Variants in TRAPPC12 observed in about 807,000 individuals in gnomAD.
The protein encoded by TRAPPC12 is TPR repeat protein 15.
TRAPPC12 carries 61 observed loss-of-function variants against 69.2 expected under a neutral mutation model. The observed-to-expected ratio is 0.88, with a 90% CI of 0.72 to 1.09. TRAPPC12 has a LOEUF of 1.09. Among genes scored for constraint, TRAPPC12 ranks in the 50% least tolerant of loss-of-function variants. The pLI is 0.00. For missense variants in TRAPPC12, 1,101 were observed against 1,016.4 expected (o/e 1.08, Z -1.13); for synonymous variants, 469 against 438.9 (o/e 1.07, Z -0.86).
At chr2:3,410,049 C>T (rs1661971579) in intron 3 of TRAPPC12, among the ~76,000 whole-genome samples, 1 of 152,214 alleles carries the variant, frequency 6.6e-6, no homozygotes. Flanking sequence ...CTCTCTGCCA[C>T]GTGCTCTTTT....
intron 6 of TRAPPC12, among the ~76,000 whole-genome samples, chr2:3,453,676 A>G (rs1664974785): frequency 6.6e-6 from 1 of 152,200 alleles, no homozygotes. Context: ...GGTCTCTGAT[A>G]TAGACCCTGG....
At chr2:3,460,626 T>G (rs1465119178) in intron 8 of TRAPPC12, 2 of 377,184 alleles carry the variant, frequency 5.3e-6, no homozygotes, top group Non-Finnish European at 9.5e-6. Flanking sequence ...CCCATTTTTC[T>G]CTGAACTCCA....
At chr2:3,424,396 T>G (rs971744978) in intron 4 of TRAPPC12, 129 bp from the exon 5 acceptor site, 2 of 785,424 alleles carry the variant, frequency 2.5e-6, no homozygotes, top group Non-Finnish European at 4.0e-6. Context: ...TATGCAAAGA[T>G]AGAAAGTTAG....
chr2:3,420,404 G>A (rs962516417), intron 3 of TRAPPC12, among the ~76,000 whole-genome samples: 1 of 152,176 alleles, frequency 6.6e-6, no homozygotes, highest in Admixed American at 6.5e-5. Context: ...AACAGTTTGG[G>A]AATTTTTAAC....
intron 5 of TRAPPC12, among the ~76,000 whole-genome samples, chr2:3,428,351 C>T (rs1282276221): frequency 6.6e-5 from 10 of 152,106 alleles, no homozygotes; most frequent in Admixed American, 6.5e-4. Flanking sequence ...ATTTTTCTTC[C>T]CATTTTGTGG....
At chr2:3,473,334 C>T (rs1206007782) in intron 9 of TRAPPC12, among the ~76,000 whole-genome samples, 1 of 152,164 alleles carries the variant, frequency 6.6e-6, no homozygotes, top group African/African-American at 2.4e-5. Flanking sequence ...TTCTTTTATT[C>T]GTTTATGTAC....
chr2:3,391,035 A>G (rs536090872), intron 2 of TRAPPC12, among the ~76,000 whole-genome samples: 83 of 152,378 alleles, frequency 5.4e-4, no homozygotes, highest in African/African-American at 2.0e-3. Flanking sequence ...AGGACAGAAG[A>G]TAGCATGTAG....
intron 10 of TRAPPC12, 23 bp from the exon 11 acceptor site, chr2:3,478,823 T>G (rs377570294): frequency 1.2e-5 from 19 of 1,611,766 alleles, no homozygotes; most frequent in Non-Finnish European, 1.6e-5. Context: ...CCCCGCTAAC[T>G]GCCACCGTTG....
intron 9 of TRAPPC12, among the ~76,000 whole-genome samples, chr2:3,473,663 G>T (rs1666166467): frequency 6.6e-6 from 1 of 152,100 alleles, no homozygotes; most frequent in Admixed American, 6.5e-5. Flanking sequence ...TAGAGAGGGG[G>T]TCTTGCCATG....
intron 3 of TRAPPC12, among the ~76,000 whole-genome samples, chr2:3,402,925 A>G (rs1486763091): frequency 6.6e-6 from 1 of 152,188 alleles, no homozygotes; most frequent in African/African-American, 2.4e-5. Flanking sequence ...CCATGCCTGC[A>G]TGCAGTCAAG....
intron 6 of TRAPPC12, chr2:3,456,330 C>T (rs575497877): frequency 3.9e-5 from 6 of 152,178 alleles, no homozygotes; most frequent in African/African-American, 1.4e-4. Flanking sequence ...TGGGGTGGGC[C>T]GTGTGGGGAG....
chr2:3,478,782 T>G, intron 10 of TRAPPC12, 64 bp from the exon 11 acceptor site: 1 of 1,433,250 alleles, frequency 7.0e-7, no homozygotes, highest in Non-Finnish European at 9.8e-7. Context: ...CCCCTGTGGG[T>G]TGTGTTGGGG....
chr2:3,414,551 C>G lies in TRAPPC12; in HGVS notation c.1165-7330C>G, dbSNP rs1441953091. 6.6e-6 allele frequency among the ~76,000 whole-genome samples: 1 copy of G among 151,982 alleles called. No homozygotes were observed. Among genetic ancestry groups the G allele is most frequent in the Non-Finnish European group, 1.5e-5 (1 of 67,988 alleles). Reference sequence around the variant, plus strand: ...CCACCATCCCCCTGACCCCATCCCCCAGCTGTCCCCGCTGTGCAGTGCCTT... The same window carrying G: ...CCACCATCCCCCTGACCCCATCCCCGAGCTGTCCCCGCTGTGCAGTGCCTT... On this transcript the variant is annotated intron_variant, in intron 3 of 11. Coordinates refer to ENST00000324266, the MANE Select transcript of TRAPPC12 (RefSeq NM_016030.6). This position sits in a 1 kb window ranked among gnomAD's most constrained non-coding sequence, Gnocchi z 4.9.
intron 10 of TRAPPC12, among the ~76,000 whole-genome samples, chr2:3,478,526 T>C (rs1182336952): frequency 2.0e-5 from 3 of 152,188 alleles, no homozygotes; most frequent in Admixed American, 6.5e-5. Context: ...CCCAGCTACT[T>C]GGGAGGCTGA....
chr2:3,390,942 A>G (rs1193879499), intron 2 of TRAPPC12, among the ~76,000 whole-genome samples: 1 of 152,196 alleles, frequency 6.6e-6, no homozygotes, highest in African/African-American at 2.4e-5. Flanking sequence ...TAATAATATA[A>G]ATAAATTGTA....
chr2:3,430,625 A>G (rs1388936680), intron 5 of TRAPPC12, among the ~76,000 whole-genome samples: 1 of 152,256 alleles, frequency 6.6e-6, no homozygotes, highest in African/African-American at 2.4e-5. Context: ...CATTCTGGGA[A>G]ATACTATTTT....
At chr2:3,405,962 C>A (rs1194822008) in intron 3 of TRAPPC12, among the ~76,000 whole-genome samples, 1 of 152,188 alleles carries the variant, frequency 6.6e-6, no homozygotes, top group Non-Finnish European at 1.5e-5. Context: ...ATCTTGAATA[C>A]CAGTTCCCAC....
At position 3,479,524 on chromosome 2, in the gene TRAPPC12, T is replaced by A; in HGVS notation, c.*63T>A. 6.3e-7 allele frequency: 1 copy of A among 1,577,520 alleles called. No individual in the cohort carries two copies. ...TTGAAACTGTGTCTTGAAGCTAATG[T>A]ATTAATGTGACATGGAGGAACTCAA... is the stretch of plus-strand genomic sequence containing the variant. On this transcript the variant is annotated 3_prime_UTR_variant, in exon 12 of 12. Coordinates refer to ENST00000324266, the MANE Select transcript of TRAPPC12 (RefSeq NM_016030.6).
At chr2:3,403,822 A>G (rs545722633) in intron 3 of TRAPPC12, among the ~76,000 whole-genome samples, 1 of 152,246 alleles carries the variant, frequency 6.6e-6, no homozygotes, top group South Asian at 2.1e-4. Context: ...CTTTTTTGTT[A>G]CATCACCTCT....
Sources: allele counts gnomAD v4.1 joint callset (sites outside exome capture counted in the v4.1 genomes callset), GRCh38; gene constraint gnomAD v4.1.1; non-coding constraint Gnocchi (gnomAD v3.1); transcripts MANE v1.5; gene names NCBI Gene and HGNC (gene_info 2026-07-23, HGNC 2026-07-21).